Variants in HAS2 observed in about 807,000 individuals in gnomAD.
HAS2 encodes the protein hyaluronan synthase 2.
HAS2 carries 16 observed loss-of-function variants against 51.6 expected under a neutral mutation model. The ratio of observed to expected loss-of-function variants is 0.31; its 90% CI spans 0.21 to 0.47. The LOEUF is 0.47. Among genes scored for constraint, HAS2 ranks in the 20% least tolerant of loss-of-function variants. HAS2 has a pLI of 1.00. For synonymous variants in HAS2, 228 were observed against 235.5 expected (o/e 0.97, Z 0.29); for missense variants, 361 against 662.6 (o/e 0.54, Z 5.00).
In HAS2 at chr8:121,641,382, C is replaced by T. The variant is rs1813103187; in HGVS notation, c.-530G>A. The stretch of plus-strand genomic sequence containing the variant: ...GGACTGGGTAATTCTTTCCAGACGT[C>T]TTGACTTCTCCTTCCCCGCCGTTGT... On this transcript the variant is annotated 5_prime_UTR_variant, in exon 1 of 4. Coordinates refer to ENST00000303924, the MANE Select transcript of HAS2 (RefSeq NM_005328.3). 3 of 151,890 alleles carry T rather than the reference C, an allele frequency of 2.0e-5. No individual in the cohort carries two copies. Among genetic ancestry groups the T allele is most frequent in the Non-Finnish European group, 4.4e-5 (3 of 68,106 alleles). The allele number at this position is 151,890 out of a possible 1,614,324, so 9.4% of individuals were successfully genotyped here.
chr8:121,623,694 C>T (rs1228327618), intron 2 of HAS2, among the ~76,000 whole-genome samples: 1 of 152,158 alleles, frequency 6.6e-6, no homozygotes, highest in Non-Finnish European at 1.5e-5. Flanking sequence ...GGTCTACTAC[C>T]TCAGTTGATG....
chr8:121,626,899 C>T (rs1812861603), intron 2 of HAS2, among the ~76,000 whole-genome samples: 1 of 152,168 alleles, frequency 6.6e-6, no homozygotes, highest in African/African-American at 2.4e-5. Flanking sequence ...TGGAGACTTC[C>T]CCTATCTCAG....
intron 1 of HAS2, among the ~76,000 whole-genome samples, chr8:121,631,541 G>A (rs1354770332): frequency 1.3e-5 from 2 of 152,224 alleles, no homozygotes; most frequent in Non-Finnish European, 2.9e-5. Context: ...TCCACTTCTA[G>A]CAACTATATG....
At chr8:121,620,139 A>G (rs1325603324) in intron 2 of HAS2, among the ~76,000 whole-genome samples, 1 of 152,200 alleles carries the variant, frequency 6.6e-6, no homozygotes, top group African/African-American at 2.4e-5. Context: ...ATGGGATTTA[A>G]CAGCTTTAAA....
At chr8:121,637,685 C>G (rs1362145079) in intron 1 of HAS2, among the ~76,000 whole-genome samples, 1 of 152,196 alleles carries the variant, frequency 6.6e-6, no homozygotes, top group Non-Finnish European at 1.5e-5. Context: ...GCAAAATATG[C>G]TTAAATAATT....
At chr8:121,627,496 T>C (rs1270824102) in intron 2 of HAS2, among the ~76,000 whole-genome samples, 1 of 152,150 alleles carries the variant, frequency 6.6e-6, no homozygotes, top group Non-Finnish European at 1.5e-5. Context: ...GGTACTATAA[T>C]TTGAGCAAGG....
intron 1 of HAS2, among the ~76,000 whole-genome samples, chr8:121,635,673 T>A (rs1432630660): frequency 6.6e-6 from 1 of 152,118 alleles, no homozygotes; most frequent in East Asian, 1.9e-4. Flanking sequence ...ATTCATTGCG[T>A]CTCTTCATCC....
chr8:121,615,463 T>C (rs1186960352), intron 3 of HAS2, among the ~76,000 whole-genome samples: 1 of 152,120 alleles, frequency 6.6e-6, no homozygotes, highest in Admixed American at 6.6e-5. Flanking sequence ...CACCTGGGAC[T>C]ACAGGTGCGC....
intron 2 of HAS2, among the ~76,000 whole-genome samples, chr8:121,620,672 C>T (rs573221838): frequency 6.6e-6 from 1 of 152,210 alleles, no homozygotes. Context: ...ACAGAATCAT[C>T]CACTAAATTG....
chr8:121,617,881 C>A (rs1256370265), intron 2 of HAS2, among the ~76,000 whole-genome samples: 1 of 152,102 alleles, frequency 6.6e-6, no homozygotes. Flanking sequence ...ACCTTCAACA[C>A]CTTTTTATTC....
In HAS2 at chr8:121,613,811, A is replaced by T. The variant is rs1485896707; in HGVS notation, c.*298T>A. 2 of 367,778 alleles carry T rather than the reference A, an allele frequency of 5.4e-6. No individual in the cohort carries two copies. The highest frequency in any genetic ancestry group is 1.0e-5 in the Non-Finnish European group (2 of 198,394). 22.8% of individuals were successfully genotyped at this position (367,778 alleles called of 1,614,324 possible). On this transcript the variant is annotated 3_prime_UTR_variant, in exon 4 of 4. Transcript: ENST00000303924. ...TCTTCCATGATAACCCACATAAAGC[A>T]TGGCTAGTGAGGTATATAGGGCAAA...
Position 121,613,459 on chromosome 8 carries a change from A to C in HAS2, c.*650T>G, listed in dbSNP as rs1299146654. ...CATGAACATCAGTCAACCAAGCTTC[A>C]CATTTTGGGCAGGATTTTTTAAGTA... On this transcript the variant is annotated 3_prime_UTR_variant, in exon 4 of 4. Transcript: ENST00000303924. 1 of 152,640 alleles carries C rather than the reference A, an allele frequency of 6.6e-6. No homozygotes were observed. The highest frequency in any genetic ancestry group is 1.5e-5 in the Non-Finnish European group (1 of 68,052). The allele number at this position is 152,640 out of a possible 1,614,324, so 9.5% of individuals were successfully genotyped here.
chr8:121,640,574 G>C (rs1287874633), intron 1 of HAS2, among the ~76,000 whole-genome samples: 1 of 152,078 alleles, frequency 6.6e-6, no homozygotes, highest in African/African-American at 2.4e-5. Flanking sequence ...GTACATCTGA[G>C]GACGTGCAGC....
intron 2 of HAS2, among the ~76,000 whole-genome samples, chr8:121,618,671 A>G (rs1438386870): frequency 1.3e-5 from 2 of 152,184 alleles, no homozygotes; most frequent in East Asian, 3.9e-4. Flanking sequence ...GTCCTAACAA[A>G]TATAAATTGA....
chr8:121,619,686 C>T (rs1319238696), intron 2 of HAS2, among the ~76,000 whole-genome samples: 1 of 152,156 alleles, frequency 6.6e-6, no homozygotes, highest in African/African-American at 2.4e-5. Context: ...CTCCCATGCC[C>T]TGTCTATCCC....
chr8:121,615,796 T>C (rs1269643047), intron 3 of HAS2, among the ~76,000 whole-genome samples: 1 of 152,146 alleles, frequency 6.6e-6, no homozygotes, highest in East Asian at 1.9e-4. Context: ...TTATCCACAC[T>C]TTTTTTGCAA....
rs765789120 is a variant in HAS2, at chr8:121,629,311, C to T, written c.30G>A (p.Leu10=). MHCERFLCI[L]RIIGTTLFGV... ...CAAAGAGTGTGGTTCCAATTATTCT[C>T]AGGATACATAGAAACCTCTCACAAT... The change falls in exon 2 of 4, where the codon CTG becomes CTA. Residue 10 remains leucine, a synonymous_variant. Coordinates refer to ENST00000303924, the MANE Select transcript of HAS2 (RefSeq NM_005328.3). The T allele has an allele frequency of 5.6e-6, 9 of 1,610,970 alleles. No homozygotes were observed. The highest frequency in any genetic ancestry group is 7.6e-6 in the Non-Finnish European group (9 of 1,177,610).
At chr8:121,636,897 C>T (rs186566970) in intron 1 of HAS2, among the ~76,000 whole-genome samples, 35 of 152,298 alleles carry the variant, frequency 2.3e-4, no homozygotes, top group Middle Eastern at 3.4e-3. Context: ...AGTGCAGCTG[C>T]AGCATAAATT....
intron 1 of HAS2, among the ~76,000 whole-genome samples, chr8:121,630,618 TA>T (rs1298419530): frequency 6.6e-6 from 1 of 152,236 alleles, no homozygotes; most frequent in Non-Finnish European, 1.5e-5. Flanking sequence ...GCTTTTCTCA[TA>T]TTTACATGTA....
Sources: gnomAD v4.1 joint callset for allele counts (sites outside exome capture counted in the v4.1 genomes callset) on GRCh38, gnomAD v4.1.1 for gene constraint, MANE v1.5 for transcripts, NCBI Gene and HGNC (gene_info 2026-07-23, HGNC 2026-07-21) for gene names.